CPS1: variants seen among roughly 807,000 people sequenced by gnomAD.
CPS1 encodes carbamoyl-phosphate synthase [ammonia], mitochondrial.
A neutral mutation model predicts 174.6 loss-of-function variants in CPS1; 109 were observed. The observed-to-expected ratio is 0.62, with a 90% confidence interval of 0.53 to 0.73. The LOEUF (loss-of-function observed/expected upper bound fraction) is 0.73. Among genes scored for constraint, CPS1 ranks in the 30% least tolerant of loss-of-function variants. The probability of loss-of-function intolerance (pLI) is 0.00; values close to 1 mark genes in which losing one functional copy is unlikely to be tolerated. For missense variants in CPS1, 1,689 were observed against 1,821.9 expected, an observed-to-expected ratio of 0.93 and a Z score of 1.33; for synonymous variants, 637 against 632.0, an observed-to-expected ratio of 1.01 and a Z score of -0.12.
At chr2:210,620,058 A>G (rs1440693364) in intron 21 of CPS1, among the ~76,000 whole-genome samples, 3 of 152,096 alleles carry the variant, frequency 2.0e-5, no homozygotes, top group African/African-American at 4.8e-5. Context: ...TGTTCTGTAC[A>G]TGTATCCCAG....
chr2:210,613,292 A>G (rs7598012), intron 20 of CPS1, among the ~76,000 whole-genome samples: 2,120 of 152,034 alleles, frequency 0.014, 52 homozygotes, highest in African/African-American at 0.048. Flanking sequence ...AGGAAGGGAT[A>G]TTTCCTTAAT....
rs561307784 is a variant in CPS1 at position 210,674,675 on chromosome 2, T to C, written c.4102-227T>C. 31 of 566,434 alleles carry C rather than the reference T, an allele frequency of 5.5e-5. No homozygotes were observed. In the African/African-American group the frequency reaches 5.6e-4, roughly 10 times the overall value. The allele number at this position is 566,434 out of a possible 1,614,324, so 35.1% of individuals were successfully genotyped here. A position where few individuals can be genotyped will look rare whatever the true frequency, so the allele number is the denominator to read the frequency against. On this transcript the variant is annotated intron_variant, in intron 34 of 37. Transcript: ENST00000233072. The stretch of plus-strand genomic sequence containing the variant: ...AGAATAAAAGGAGATAAGAACAAGG[T>C]GAAAAGCAGGGATCAAGATTATGTG...
At chr2:210,630,881 A>G (rs921066570) in intron 21 of CPS1, among the ~76,000 whole-genome samples, 1 of 152,170 alleles carries the variant, frequency 6.6e-6, no homozygotes, top group Non-Finnish European at 1.5e-5. Context: ...GCCAAAAATA[A>G]TAAGTGAAGC....
chr2:210,567,171 A>G (rs1465702292), intron 1 of CPS1, among the ~76,000 whole-genome samples: 1 of 152,162 alleles, frequency 6.6e-6, no homozygotes, highest in Non-Finnish European at 1.5e-5. Context: ...TTATCCAAAT[A>G]TCAGTATTAC....
chr2:210,492,492 A>G (rs1323125066), intron 1 of CPS1, among the ~76,000 whole-genome samples: 1 of 152,214 alleles, frequency 6.6e-6, no homozygotes. Context: ...AAGTATACAT[A>G]GGTAGTATCT....
chr2:210,601,371 A>T (rs543198053), intron 15 of CPS1, among the ~76,000 whole-genome samples: 2 of 152,072 alleles, frequency 1.3e-5, no homozygotes, highest in South Asian at 4.1e-4. Flanking sequence ...CAACTTCTCC[A>T]TGGTAGAAAC....
chr2:210,656,457 G>A (rs1700709079), intron 29 of CPS1, 68 bp from the exon 30 acceptor site: 2 of 1,080,040 alleles, frequency 1.9e-6, no homozygotes, highest in East Asian at 2.4e-5. Context: ...GGAGGATGAG[G>A]GAGTAGCTTC....
chr2:210,668,130 A>G, intron 33 of CPS1, 56 bp from the exon 34 acceptor site: 1 of 1,138,742 alleles, frequency 8.8e-7, no homozygotes, highest in Non-Finnish European at 1.3e-6. Context: ...TTTTGGTAGG[A>G]GTGGTTGACT....
Position 210,675,768 on chromosome 2 carries a change from A to G in CPS1, c.4202A>G (p.Asn1401Ser). The G allele has an allele frequency of 1.2e-6, 2 of 1,611,034 alleles. No individual in the cohort carries two copies. Among genetic ancestry groups the G allele is most frequent in the East Asian group, 2.2e-5 (1 of 44,864 alleles). The change falls in exon 36 of 38, where the codon AAC (asparagine) becomes AGC (serine). Residue 1401 changes from asparagine to serine, a missense_variant. By Grantham distance (46) the Asn-to-Ser change is conservative. Transcript: ENST00000233072. ...TEATSDWLNA[N>S]NVPATPVAWP... ...GCCACATCAGACTGGCTCAACGCCA[A>G]CAATGTCCCTGCCACCCCAGTGGCA...
intron 1 of CPS1, among the ~76,000 whole-genome samples, chr2:210,557,763 C>G (rs1696961758): frequency 6.6e-6 from 1 of 151,986 alleles, no homozygotes; most frequent in Admixed American, 6.6e-5. Context: ...AAAAGAAAAC[C>G]TCTGTCTGTT....
intron 1 of CPS1, among the ~76,000 whole-genome samples, chr2:210,561,037 A>T (rs563070824): frequency 6.6e-6 from 1 of 152,284 alleles, no homozygotes; most frequent in East Asian, 1.9e-4. Flanking sequence ...TACTTCTCTA[A>T]TTGGGAGATG....
Position 210,590,810 on chromosome 2 carries a change from G to A in CPS1, c.851G>A (p.Ser284Asn), listed in dbSNP as rs1413228307. 1 of 1,610,458 alleles carries A rather than the reference G, an allele frequency of 6.2e-7. No individual in the cohort carries two copies. Among genetic ancestry groups the A allele is most frequent in the Non-Finnish European group, 8.5e-7 (1 of 1,177,642 alleles). Residue 284 changes from serine (S) to asparagine (N), a missense_variant, in exon 9 of 38, where the codon AGT (serine) becomes AAT (asparagine). Transcript: ENST00000233072. ...LIQNVRKILE[S>N]DRKEPLFGIS... ...TTCTCCCTGATTTAGATTTTGGAGAGTGATCGCAAGGAGCCATTGTTTGGA... is the reference window on the plus strand; with the variant it reads ...TTCTCCCTGATTTAGATTTTGGAGAATGATCGCAAGGAGCCATTGTTTGGA...
intron 1 of CPS1, among the ~76,000 whole-genome samples, chr2:210,508,492 T>C (rs1197903774): frequency 6.6e-6 from 1 of 151,978 alleles, no homozygotes; most frequent in African/African-American, 2.4e-5. Context: ...AGCAAACACA[T>C]TTAAAAGCTA....
chr2:210,551,090 C>T (rs1021373373), intron 1 of CPS1, among the ~76,000 whole-genome samples: 5 of 151,884 alleles, frequency 3.3e-5, no homozygotes, highest in African/African-American at 1.2e-4. Context: ...CTTTTTGGCT[C>T]ATTTCCATAT....
intron 17 of CPS1, 65 bp from the exon 18 acceptor site, chr2:210,606,666 G>A: frequency 6.9e-7 from 1 of 1,445,476 alleles, no homozygotes; most frequent in African/African-American, 1.4e-5. Flanking sequence ...CAAGTAGATG[G>A]TTAAGTCGCT....
At chr2:210,579,345 C>CT (rs1286127813) in intron 4 of CPS1, among the ~76,000 whole-genome samples, 2 of 152,060 alleles carry the variant, frequency 1.3e-5, no homozygotes, top group Non-Finnish European at 2.9e-5. Context: ...TGTTGAGTGC[C>CT]TACTCTGTGC....
At chr2:210,541,430 G>A (rs1311875282) in intron 1 of CPS1, among the ~76,000 whole-genome samples, 1 of 152,128 alleles carries the variant, frequency 6.6e-6, no homozygotes, top group African/African-American at 2.4e-5. Context: ...ATAAGTTAAA[G>A]CAATGGCCTC....
chr2:210,517,818 A>G (rs1327460844), intron 1 of CPS1, among the ~76,000 whole-genome samples: 2 of 151,976 alleles, frequency 1.3e-5, no homozygotes, highest in Non-Finnish European at 2.9e-5. Context: ...AATTTTGTCA[A>G]AACTCTTATG....
chr2:210,645,355 A>T (rs1055413363), intron 25 of CPS1, among the ~76,000 whole-genome samples: 3 of 152,234 alleles, frequency 2.0e-5, no homozygotes, highest in Non-Finnish European at 4.4e-5. Context: ...GTTTTTTAAA[A>T]ATAGCTTTTC....
Sources: gnomAD v4.1 joint callset for allele counts (sites outside exome capture counted in the v4.1 genomes callset) on GRCh38, gnomAD v4.1.1 for gene constraint, MANE v1.5 for transcripts, NCBI Gene and HGNC (gene_info 2026-07-23, HGNC 2026-07-21) for gene names.